Variants in MYLK4 observed in about 807,000 individuals in gnomAD.
MYLK4 encodes myosin light chain kinase family member 4, also known as caMLCK like.
Under a neutral mutation model 48.1 loss-of-function variants are expected in MYLK4, and 46 were observed. The observed-to-expected ratio is 0.96, with a 90% confidence interval of 0.75 to 1.22. The LOEUF is 1.22. MYLK4 is among the 50% of genes most tolerant of loss of function. The pLI is 0.00. For missense variants in MYLK4, 451 were observed against 486.1 expected, an observed-to-expected ratio of 0.93 and a Z score of 0.68; for synonymous variants, 170 against 180.8, an observed-to-expected ratio of 0.94 and a Z score of 0.48.
rs1761369825 is a variant in MYLK4, at chr6:2,683,015, C to G, written c.687+6G>C. Reference sequence around the variant, plus strand: ...TTACGTCTCACAGGATACAAAACACCCTTACCTTCAGGTCCAAGTGGAGAA... The same window carrying G: ...TTACGTCTCACAGGATACAAAACACGCTTACCTTCAGGTCCAAGTGGAGAA... On this transcript the variant is annotated splice_donor_region_variant and intron_variant, in intron 7 of 12. Transcript: ENST00000274643. 1.4e-5 allele frequency: 23 copies of G among 1,614,122 alleles called. No homozygotes were observed. Among genetic ancestry groups the G allele is most frequent in the Non-Finnish European group, 1.8e-5 (21 of 1,180,020 alleles).
At chr6:2,770,135 C>T in the MYLK4 span, 33 of 1,614,218 alleles carry the variant, frequency 2.0e-5, no homozygotes, top group Non-Finnish European at 2.7e-5. Flanking sequence ...TTTCCTTCCT[C>T]ACGTGGAATG....
At chr6:2,668,929 G>T (rs190412720) in intron 12 of MYLK4, among the ~76,000 whole-genome samples, 1 of 151,916 alleles carries the variant, frequency 6.6e-6, no homozygotes, top group Admixed American at 6.6e-5. Flanking sequence ...TTAGCCAGGC[G>T]TGGTGGTGAA....
chr6:2,699,127 A>G (rs547986958), intron 2 of MYLK4, among the ~76,000 whole-genome samples: 1 of 152,262 alleles, frequency 6.6e-6, no homozygotes, highest in South Asian at 2.1e-4. Flanking sequence ...CTCCAAGTAC[A>G]TAGACCAAGA....
At chr6:2,763,557 C>T in the MYLK4 span, among the ~76,000 whole-genome samples, 2 of 152,208 alleles carry the variant, frequency 1.3e-5, no homozygotes, top group African/African-American at 4.8e-5. Context: ...CAGGCCGCTC[C>T]GAGCGCGAGG....
intron 4 of MYLK4, among the ~76,000 whole-genome samples, chr6:2,688,163 A>T (rs1305093275): frequency 1.3e-5 from 2 of 151,466 alleles, no homozygotes; most frequent in Non-Finnish European, 2.9e-5. Flanking sequence ...GGTTCAAGCG[A>T]TTCTCCTGCC....
rs968874899 is a variant in MYLK4, at chr6:2,700,392, A to C, written c.160-7533T>G. 2.6e-5 allele frequency among the ~76,000 whole-genome samples: 4 copies of C among 152,126 alleles called. No individual in the cohort carries two copies. In the South Asian group the frequency reaches 8.3e-4, roughly 32 times the overall value. On this transcript the variant is annotated intron_variant, in intron 2 of 12. Transcript: ENST00000274643. ...CCCACCCACACCCCAGGGATTGTAA[A>C]GTACTAAAAGGGAGGGGACCCACTT...
At chr6:2,691,230 C>G (rs190406303) in intron 3 of MYLK4, among the ~76,000 whole-genome samples, 1 of 152,322 alleles carries the variant, frequency 6.6e-6, no homozygotes, top group East Asian at 1.9e-4. Context: ...CTGAACACAT[C>G]TGGCAGTGTT....
At chr6:2,749,825 G>C (rs371748293) in intron 1 of MYLK4, among the ~76,000 whole-genome samples, 3 of 152,238 alleles carry the variant, frequency 2.0e-5, no homozygotes. Flanking sequence ...CAGAGGGATC[G>C]CTCCCGAATG....
chr6:2,665,832 C>A lies in MYLK4; in HGVS notation c.*2093G>T, dbSNP rs777677255. On this transcript the variant is annotated 3_prime_UTR_variant, in exon 13 of 13. Coordinates refer to ENST00000274643, the MANE Select transcript of MYLK4 (RefSeq NM_001012418.5). ...GTCTAACTAAGTATTAATGCATGCA[C>A]TGGCTTGTATTTTTCCAGGCTCAAT... is the stretch of plus-strand genomic sequence containing the variant. The A allele has an allele frequency of 1.3e-5, 2 of 152,164 alleles. No homozygotes were observed. The highest frequency in any genetic ancestry group is 2.9e-5 in the Non-Finnish European group (2 of 68,042). The allele number at this position is 152,164 out of a possible 1,614,324, so 9.4% of individuals were successfully genotyped here. A position where few individuals can be genotyped will look rare whatever the true frequency, so the allele number is the denominator to read the frequency against.
chr6:2,768,665 A>G, the MYLK4 span: 5 of 1,562,184 alleles, frequency 3.2e-6, no homozygotes, highest in African/African-American at 1.4e-5. Flanking sequence ...CAGCTTTTCA[A>G]ACTCCATGTA....
intron 3 of MYLK4, among the ~76,000 whole-genome samples, chr6:2,692,143 A>C (rs1006910606): frequency 3.3e-5 from 5 of 152,082 alleles, no homozygotes; most frequent in African/African-American, 1.2e-4. Flanking sequence ...TTCTTCAAAC[A>C]CTGGGTGTTC....
At chr6:2,769,954 C>T in the MYLK4 span, among the ~76,000 whole-genome samples, 1 of 152,192 alleles carries the variant, frequency 6.6e-6, no homozygotes, top group South Asian at 2.1e-4. Context: ...AAGAGTTGTA[C>T]TCCCCCAAAT....
In MYLK4 at chr6:2,744,724, T is replaced by G. The variant is rs1207560551; in HGVS notation, c.159+4412A>C. Among the ~76,000 whole-genome samples the G allele has an allele frequency of 2.6e-5, 4 of 152,294 alleles. No homozygotes were observed. In the East Asian group the frequency reaches 5.8e-4, roughly 22 times the overall value. On this transcript the variant is annotated intron_variant, in intron 2 of 12. Transcript: ENST00000274643. ...GGGCATTTAAACACTCCAGGGACAG[T>G]GGGGTCCCGAGTCTGCTGGGGCCAT...
chr6:2,679,308 A>G lies in MYLK4; in HGVS notation c.859T>C (p.Trp287Arg), dbSNP rs1405830641. The G allele has an allele frequency of 3.1e-6, 5 of 1,614,080 alleles. No individual in the cohort carries two copies. The East Asian group carries it at 1.1e-4, about 36-fold the overall frequency. ...ATATAGGCGATGACCCCCACACTCC[A>G]CATGTCAGTGGGAAATGAAACAAAA... ...YDFVSFPTDM[W>R]SVGVIAYMLL... Residue 287 changes from tryptophan (W) to arginine (R), a missense_variant, in exon 9 of 13, where the codon TGG becomes CGG. By Grantham distance (101) the Trp-to-Arg change is moderately radical. Coordinates refer to ENST00000274643, the MANE Select transcript of MYLK4 (RefSeq NM_001012418.5).
intron 2 of MYLK4, among the ~76,000 whole-genome samples, chr6:2,717,378 C>T (rs1444324193): frequency 6.6e-6 from 1 of 152,214 alleles, no homozygotes; most frequent in African/African-American, 2.4e-5. Context: ...AGCAGACCTC[C>T]AGAGCAGACA....
intron 2 of MYLK4, among the ~76,000 whole-genome samples, chr6:2,711,644 C>A (rs1056033958): frequency 1.3e-5 from 2 of 152,176 alleles, no homozygotes; most frequent in Admixed American, 6.5e-5. Context: ...AGGACCACGA[C>A]CTCACAGCAA....
At chr6:2,691,321 C>T (rs1297704899) in intron 3 of MYLK4, among the ~76,000 whole-genome samples, 2 of 152,146 alleles carry the variant, frequency 1.3e-5, no homozygotes, top group Non-Finnish European at 2.9e-5. Context: ...GTTTCAGATA[C>T]ATTATTAAAA....
chr6:2,686,064 T>A (rs1396422605), intron 4 of MYLK4, among the ~76,000 whole-genome samples: 1 of 51,858 alleles, frequency 1.9e-5, no homozygotes, highest in Non-Finnish European at 3.2e-5. Context: ...CAAGAATCCA[T>A]CTCAAAAAAA....
At chr6:2,768,615 T>TGTG in the MYLK4 span, 1 of 1,289,550 alleles carries the variant, frequency 7.8e-7, no homozygotes, top group Non-Finnish European at 1.1e-6. Context: ...TGATGCTGCG[T>TGTG]GTGGTGGTTC....
Sources: gnomAD v4.1 joint callset for allele counts (sites outside exome capture counted in the v4.1 genomes callset) on GRCh38, gnomAD v4.1.1 for gene constraint, MANE v1.5 for transcripts, NCBI Gene and HGNC (gene_info 2026-07-23, HGNC 2026-07-21) for gene names.